Variants in NBAS observed in about 807,000 individuals in gnomAD.
NBAS encodes the protein NAG/BC035112 fusion.
In NBAS, 219 loss-of-function variants were observed where a neutral mutation model predicts 302.5. The observed-to-expected ratio is 0.72, with a 90% CI of 0.65 to 0.81. NBAS has a LOEUF of 0.81. NBAS is among the 30% of genes least tolerant of loss of function. The pLI, the probability that NBAS is intolerant of heterozygous loss-of-function variation, is 0.00. For missense variants in NBAS, 2,932 were observed against 2,841.6 expected (o/e 1.03, Z -0.72); for synonymous variants, 1,118 against 1,021.6 (o/e 1.09, Z -1.80).
At chr2:15,242,184 C>G (rs1408927832) in intron 44 of NBAS, among the ~76,000 whole-genome samples, 1 of 152,176 alleles carries the variant, frequency 6.6e-6, no homozygotes, top group East Asian at 1.9e-4. Flanking sequence ...AGAAAACTAG[C>G]TGTAGGTTAT....
chr2:14,925,680 C>A, the NBAS span, among the ~76,000 whole-genome samples: 2 of 152,284 alleles, frequency 1.3e-5, no homozygotes, highest in Non-Finnish European at 2.9e-5. Flanking sequence ...GAGTCCCACC[C>A]ACACGGAATG....
At chr2:15,345,385 G>T (rs1249138106) in intron 35 of NBAS, among the ~76,000 whole-genome samples, 5 of 152,072 alleles carry the variant, frequency 3.3e-5, no homozygotes, top group Non-Finnish European at 7.4e-5. Context: ...GCCAAATCAT[G>T]AATAAACTTC....
At chr2:14,785,898 A>G in the NBAS span, among the ~76,000 whole-genome samples, 2 of 152,154 alleles carry the variant, frequency 1.3e-5, no homozygotes, top group Non-Finnish European at 2.9e-5. Flanking sequence ...GAGGAATGGT[A>G]CCAGTTCCTC....
At chr2:15,303,119 A>T (rs1211423234) in intron 40 of NBAS, among the ~76,000 whole-genome samples, 1 of 152,160 alleles carries the variant, frequency 6.6e-6, no homozygotes, top group Non-Finnish European at 1.5e-5. Context: ...CATTGTGGGT[A>T]GTGTGAGTCA....
the NBAS span, among the ~76,000 whole-genome samples, chr2:14,822,134 T>G: frequency 6.6e-6 from 1 of 152,194 alleles, no homozygotes; most frequent in Non-Finnish European, 1.5e-5. Context: ...ATAAGAACTC[T>G]TACCAAAGAA....
chr2:15,009,800 C>T, the NBAS span, among the ~76,000 whole-genome samples: 10 of 150,768 alleles, frequency 6.6e-5, no homozygotes, highest in African/African-American at 1.7e-4. Context: ...TCCCATAGAG[C>T]GATTCCCCAC....
At chr2:14,976,478 C>T in the NBAS span, among the ~76,000 whole-genome samples, 1 of 152,302 alleles carries the variant, frequency 6.6e-6, no homozygotes, top group Middle Eastern at 3.4e-3. Flanking sequence ...GCTCATTGAA[C>T]ATTCCAGGCA....
chr2:15,340,174 T>C (rs1037373397), intron 35 of NBAS, among the ~76,000 whole-genome samples: 13 of 152,252 alleles, frequency 8.5e-5, no homozygotes, highest in African/African-American at 1.9e-4. Flanking sequence ...CCATTGACTA[T>C]AGCAAAAGCA....
the NBAS span, among the ~76,000 whole-genome samples, chr2:14,944,283 G>T: frequency 2.0e-5 from 3 of 151,884 alleles, no homozygotes; most frequent in African/African-American, 7.3e-5. Context: ...CAGCCTGGGC[G>T]ACAGAGTGAG....
intron 40 of NBAS, among the ~76,000 whole-genome samples, chr2:15,295,504 T>C (rs576171397): frequency 1.2e-4 from 19 of 152,188 alleles, no homozygotes; most frequent in African/African-American, 3.1e-4. Context: ...ATATATAGCG[T>C]TCATGGTTGT....
At chr2:15,289,028 T>C (rs1309211956) in intron 41 of NBAS, among the ~76,000 whole-genome samples, 1 of 152,238 alleles carries the variant, frequency 6.6e-6, no homozygotes, top group African/African-American at 2.4e-5. Context: ...TGGATTGACT[T>C]TGTCAACCCA....
At chr2:15,137,390 G>A in the NBAS span, among the ~76,000 whole-genome samples, 4 of 152,150 alleles carry the variant, frequency 2.6e-5, no homozygotes, top group Non-Finnish European at 5.9e-5. Flanking sequence ...GAAAACTGCT[G>A]TGAGTAAGAA....
chr2:15,296,401 G>A (rs956232942), intron 40 of NBAS, among the ~76,000 whole-genome samples: 1 of 152,088 alleles, frequency 6.6e-6, no homozygotes, highest in African/African-American at 2.4e-5. Flanking sequence ...AATTAGCCGG[G>A]TGTGGTGGCA....
chr2:14,855,895 ATTG>A, the NBAS span, among the ~76,000 whole-genome samples: 1 of 152,302 alleles, frequency 6.6e-6, no homozygotes, highest in Non-Finnish European at 1.5e-5. Flanking sequence ...CCACCTGCTG[ATTG>A]TAGAGCCCCA....
chr2:15,360,649 C>CTTTTT (rs369254532), intron 32 of NBAS, among the ~76,000 whole-genome samples: 6 of 123,250 alleles, frequency 4.9e-5, no homozygotes, highest in Non-Finnish European at 6.7e-5. Flanking sequence ...CATGACCAGC[C>CTTTTT]TTTTTTTTTT....
chr2:15,432,573 T>C (rs563991215), intron 21 of NBAS, among the ~76,000 whole-genome samples: 2 of 152,316 alleles, frequency 1.3e-5, no homozygotes, highest in African/African-American at 2.4e-5. Context: ...AGTTCTTTTA[T>C]TCATGTTCTA....
chr2:15,195,906 G>A (rs570265405), intron 48 of NBAS, among the ~76,000 whole-genome samples: 7 of 152,302 alleles, frequency 4.6e-5, no homozygotes, highest in African/African-American at 1.4e-4. Flanking sequence ...CCTTCCAAGG[G>A]CTGGCATGCC....
At chr2:15,222,169 C>CT (rs1666975060) in intron 47 of NBAS, among the ~76,000 whole-genome samples, 1 of 152,148 alleles carries the variant, frequency 6.6e-6, no homozygotes, top group African/African-American at 2.4e-5. Flanking sequence ...GATATCTGAT[C>CT]TTTTTTGCAT....
At chr2:14,781,393 G>A in the NBAS span, among the ~76,000 whole-genome samples, 2 of 151,972 alleles carry the variant, frequency 1.3e-5, no homozygotes, top group East Asian at 1.9e-4. Flanking sequence ...TTTTATGCCT[G>A]GACTTCAGCC....
Sources: allele counts gnomAD v4.1 joint callset (sites outside exome capture counted in the v4.1 genomes callset), GRCh38; gene constraint gnomAD v4.1.1; transcripts MANE v1.5; gene names NCBI Gene and HGNC (gene_info 2026-07-23, HGNC 2026-07-21).